CAMK2D: variants seen among roughly 807,000 people sequenced by gnomAD.
CAMK2D encodes the protein calcium/calmodulin dependent protein kinase II delta.
Under a neutral mutation model 84.0 loss-of-function variants are expected in CAMK2D, and 37 were observed. That is an observed-to-expected ratio of 0.44 (90% confidence interval 0.34 to 0.58). The LOEUF is 0.58. Among genes scored for constraint, CAMK2D ranks in the 20% least tolerant of loss-of-function variants. CAMK2D has a pLI of 0.02. For synonymous variants in CAMK2D, 202 were observed against 212.5 expected, an observed-to-expected ratio of 0.95 and a Z score of 0.43; for missense variants, 448 against 652.5, an observed-to-expected ratio of 0.69 and a Z score of 3.41.
intron 12 of CAMK2D, 121 bp downstream of exon 12, chr4:113,513,207 G>C: frequency 1.3e-6 from 2 of 1,519,970 alleles, no homozygotes; most frequent in Non-Finnish European, 1.8e-6. Flanking sequence ...CCACACATTT[G>C]CCACCCCTGA....
chr4:113,526,576 A>AAGTT (rs1475256945), intron 8 of CAMK2D, among the ~76,000 whole-genome samples: 1 of 151,902 alleles, frequency 6.6e-6, no homozygotes, highest in African/African-American at 2.4e-5. Flanking sequence ...CCAGACAAGA[A>AAGTT]AGTTAGAGCT....
At chr4:113,458,218 T>C (rs1476435084) in intron 18 of CAMK2D, among the ~76,000 whole-genome samples, 1 of 152,132 alleles carries the variant, frequency 6.6e-6, no homozygotes, top group Non-Finnish European at 1.5e-5. Flanking sequence ...CTGATTCTGG[T>C]CTTCCAGCTC....
intron 16 of CAMK2D, among the ~76,000 whole-genome samples, chr4:113,477,165 A>G (rs2097638631): frequency 6.6e-6 from 1 of 152,180 alleles, no homozygotes; most frequent in Non-Finnish European, 1.5e-5. Flanking sequence ...ATTGGGCTGT[A>G]CCCATGTGAA....
chr4:113,563,375 G>A (rs1323084452), intron 4 of CAMK2D, among the ~76,000 whole-genome samples: 1 of 152,108 alleles, frequency 6.6e-6, no homozygotes, highest in African/African-American at 2.4e-5. Flanking sequence ...CTAGATCTGG[G>A]TACTGAAAGC....
At chr4:113,669,648 G>A (rs2099271804) in intron 2 of CAMK2D, among the ~76,000 whole-genome samples, 1 of 152,122 alleles carries the variant, frequency 6.6e-6, no homozygotes, top group African/African-American at 2.4e-5. Flanking sequence ...TTCCTTTCAC[G>A]AGAGTGCCTC....
chr4:113,574,887 C>A (rs1030759775), intron 4 of CAMK2D, among the ~76,000 whole-genome samples: 1 of 152,190 alleles, frequency 6.6e-6, no homozygotes, highest in Admixed American at 6.5e-5. Context: ...ACTGTCACTG[C>A]TGAATTTGAG....
chr4:113,693,214 T>C (rs1320596305), intron 2 of CAMK2D, among the ~76,000 whole-genome samples: 1 of 152,140 alleles, frequency 6.6e-6, no homozygotes, highest in Admixed American at 6.5e-5. Context: ...CTGGCCTGTG[T>C]GGTTTCATTA....
intron 2 of CAMK2D, among the ~76,000 whole-genome samples, chr4:113,740,083 T>C (rs1176767678): frequency 1.3e-5 from 2 of 152,136 alleles, no homozygotes; most frequent in Non-Finnish European, 2.9e-5. Context: ...TACTATAGAG[T>C]ACTATCTCAT....
intron 4 of CAMK2D, among the ~76,000 whole-genome samples, chr4:113,557,300 C>A (rs1259588158): frequency 1.3e-5 from 2 of 152,154 alleles, no homozygotes; most frequent in Non-Finnish European, 2.9e-5. Context: ...AATGGCTGTA[C>A]ACTGATTTTT....
intron 2 of CAMK2D, among the ~76,000 whole-genome samples, chr4:113,728,635 T>C (rs974175603): frequency 2.0e-5 from 3 of 152,214 alleles, no homozygotes; most frequent in Admixed American, 6.5e-5. Flanking sequence ...AAAGGTATTT[T>C]AGATTTTTTT....
At chr4:113,672,872 T>C (rs1306808895) in intron 2 of CAMK2D, among the ~76,000 whole-genome samples, 3 of 152,114 alleles carry the variant, frequency 2.0e-5, no homozygotes, top group African/African-American at 4.8e-5. Context: ...GTGTATCCCA[T>C]GTACCTCAAA....
At chr4:113,648,600 G>C (rs775152860) in intron 3 of CAMK2D, among the ~76,000 whole-genome samples, 12 of 152,282 alleles carry the variant, frequency 7.9e-5, no homozygotes, top group African/African-American at 2.9e-4. Flanking sequence ...TGGACAGAAT[G>C]GGGGGAAAAA....
chr4:113,532,592 T>G (rs1164184538), intron 7 of CAMK2D, among the ~76,000 whole-genome samples: 1 of 152,192 alleles, frequency 6.6e-6, no homozygotes, highest in Non-Finnish European at 1.5e-5. Flanking sequence ...CCAGCACTTC[T>G]GTCCCCTCCA....
At chr4:113,655,046 A>G (rs1466602037) in intron 3 of CAMK2D, among the ~76,000 whole-genome samples, 1 of 152,066 alleles carries the variant, frequency 6.6e-6, no homozygotes, top group Non-Finnish European at 1.5e-5. Context: ...CTGTTTATTT[A>G]AATTAATCGT....
chr4:113,719,186 TG>T (rs2099522751), intron 2 of CAMK2D, among the ~76,000 whole-genome samples: 1 of 152,168 alleles, frequency 6.6e-6, no homozygotes, highest in Non-Finnish European at 1.5e-5. Context: ...AGGAAGCCAT[TG>T]ATTTGGACTG....
intron 4 of CAMK2D, among the ~76,000 whole-genome samples, chr4:113,562,829 G>A (rs1467947432): frequency 2.6e-5 from 4 of 152,172 alleles, no homozygotes; most frequent in African/African-American, 4.8e-5. Context: ...AAGATTATTA[G>A]GTTTATAGGC....
intron 8 of CAMK2D, among the ~76,000 whole-genome samples, chr4:113,527,094 C>T (rs1485837133): frequency 6.6e-6 from 1 of 151,968 alleles, no homozygotes; most frequent in African/African-American, 2.4e-5. Context: ...ACTGATGTGG[C>T]AAACTTCATT....
chr4:113,547,159 G>A (rs188455313), intron 6 of CAMK2D, among the ~76,000 whole-genome samples: 261 of 152,314 alleles, frequency 1.7e-3, no homozygotes, highest in Non-Finnish European at 2.6e-3. Flanking sequence ...TTAAGGGAAA[G>A]AGAATGTCAG....
chr4:113,543,967 A>G (rs765313481), intron 6 of CAMK2D, among the ~76,000 whole-genome samples: 23 of 151,706 alleles, frequency 1.5e-4, no homozygotes, highest in Non-Finnish European at 2.8e-4. Context: ...AATTTTTTGT[A>G]TTTTTAGTAG....
Sources: allele counts gnomAD v4.1 joint callset (sites outside exome capture counted in the v4.1 genomes callset), GRCh38; gene constraint gnomAD v4.1.1; transcripts MANE v1.5; gene names NCBI Gene and HGNC (gene_info 2026-07-23, HGNC 2026-07-21).